The following TEX14 variants were observed in gnomAD, a reference collection of about 807,000 sequenced individuals.
TEX14 encodes the protein testis expressed 14, intercellular bridge forming factor.
Under a neutral mutation model 178.6 loss-of-function variants are expected in TEX14, and 168 were observed. That is an observed-to-expected ratio of 0.94 (90% CI 0.83 to 1.07). The LOEUF (loss-of-function observed/expected upper bound fraction) is 1.07, where lower values mean the gene tolerates loss of function less well. TEX14 is among the 50% of genes least tolerant of loss of function. The pLI is 0.00. For synonymous variants in TEX14, 626 were observed against 634.1 expected, an observed-to-expected ratio of 0.99 and a Z score of 0.19; for missense variants, 1,730 against 1,753.6, an observed-to-expected ratio of 0.99 and a Z score of 0.24.
chr17:58,574,394 T>A, intron 21 of TEX14, 145 bp from the exon 22 acceptor site: 1 of 648,512 alleles, frequency 1.5e-6, no homozygotes, highest in East Asian at 2.8e-5. Flanking sequence ...GTGTGAGTTC[T>A]GTGCCAGGCA....
intron 1 of TEX14, among the ~76,000 whole-genome samples, chr17:58,686,861 C>CTTTTTT (rs71143271): frequency 2.8e-5 from 2 of 71,536 alleles, no homozygotes; most frequent in East Asian, 4.7e-4. Context: ...GAAAGGTCAC[C>CTTTTTT]TTTTTTTTTT....
At chr17:58,634,507 G>C (rs933837039) in intron 2 of TEX14, among the ~76,000 whole-genome samples, 3 of 152,162 alleles carry the variant, frequency 2.0e-5, no homozygotes, top group African/African-American at 7.2e-5. Context: ...AGGGCTTGCT[G>C]TGTTACAAAT....
At chr17:58,564,839 T>A (rs1225704282) in intron 28 of TEX14, 30 bp downstream of exon 28, 2 of 1,346,602 alleles carry the variant, frequency 1.5e-6, no homozygotes, top group East Asian at 4.8e-5. Context: ...ATTTTTTAAA[T>A]CCTTTCAACA....
In TEX14 at chr17:58,634,513, C is replaced by T. The variant is rs534043884; in HGVS notation, c.137-3959G>A. 2.0e-5 allele frequency among the ~76,000 whole-genome samples: 3 copies of T among 152,274 alleles called. No homozygotes were observed. The East Asian group carries it at 5.8e-4, about 29-fold the overall frequency. On this transcript the variant is annotated intron_variant, in intron 2 of 31. Coordinates refer to ENST00000349033, the MANE Select transcript of TEX14 (RefSeq NM_031272.5). ...TTACTGCTCAGGGCTTGCTGTGTTACAAATATTTGTGGTATGTCTATGTCC... is the reference window on the plus strand; with the variant it reads ...TTACTGCTCAGGGCTTGCTGTGTTATAAATATTTGTGGTATGTCTATGTCC...
intron 27 of TEX14, among the ~76,000 whole-genome samples, chr17:58,565,430 T>C (rs1314799777): frequency 1.3e-5 from 2 of 152,204 alleles, no homozygotes; most frequent in African/African-American, 4.8e-5. Context: ...TGCTATCTCA[T>C]TCCATCCTGC....
chr17:58,586,340 A>T (rs551699417), intron 17 of TEX14, among the ~76,000 whole-genome samples: 12 of 152,100 alleles, frequency 7.9e-5, no homozygotes, highest in African/African-American at 2.9e-4. Context: ...GAAAGGCAGC[A>T]AACAACTTAC....
At chr17:58,656,772 A>G (rs1192318454) in intron 1 of TEX14, among the ~76,000 whole-genome samples, 1 of 150,808 alleles carries the variant, frequency 6.6e-6, no homozygotes, top group African/African-American at 2.4e-5. Flanking sequence ...AAAAGAAAAA[A>G]ATTGGCCAGG....
At position 58,629,906 on chromosome 17, in the gene TEX14, T is replaced by G. The variant is rs1313155241; in HGVS notation, c.251+534A>C. On this transcript the variant is annotated intron_variant, in intron 3 of 31. Transcript: ENST00000349033. ...CTCCGATTCTTTTCGTGTTTCGTGT[T>G]TTTTTTTTTTCCTTTTTTTTTTTTT... 0.039 allele frequency among the ~76,000 whole-genome samples: 15 copies of G among 380 alleles called. No homozygotes were observed. The South Asian group carries it at 0.5, about 13-fold the overall frequency. The allele number at this position is 380 out of a possible 152,430, so 0.2% of individuals were successfully genotyped here.
In TEX14 at chr17:58,616,301, TAAAA is replaced by T. The variant is rs1363197232; in HGVS notation, c.637_640del (p.Phe213IlefsTer11). 1 of 1,612,288 alleles carries T rather than the reference TAAAA, an allele frequency of 6.2e-7. No individual in the cohort carries two copies. Among genetic ancestry groups the T allele is most frequent in the East Asian group, 2.2e-5 (1 of 44,860 alleles). ...GGCCATCTGTGTCGCCCCAGTAAGA[TAAAA>T]CTGAAACCAAGGCATAGCCTCAAAT... On this transcript the variant is annotated frameshift_variant and splice_region_variant, in exon 7 of 32. Transcript: ENST00000349033. LOFTEE classifies it high-confidence loss of function.
At chr17:58,562,118 T>G (rs1045538636) in intron 28 of TEX14, among the ~76,000 whole-genome samples, 1 of 151,916 alleles carries the variant, frequency 6.6e-6, no homozygotes, top group Non-Finnish European at 1.5e-5. Flanking sequence ...AGAAGAAATA[T>G]GCACCAAAAT....
intron 2 of TEX14, among the ~76,000 whole-genome samples, chr17:58,651,449 T>G (rs1458792335): frequency 6.6e-6 from 1 of 152,126 alleles, no homozygotes; most frequent in Non-Finnish European, 1.5e-5. Context: ...ATCCTTCAGC[T>G]AGAAAACCCC....
intron 11 of TEX14, 129 bp from the exon 12 acceptor site, chr17:58,602,719 A>C: frequency 1.5e-6 from 1 of 662,850 alleles, no homozygotes; most frequent in Non-Finnish European, 2.5e-6. Context: ...TTTCTAATCC[A>C]CTGTACTTTA....
rs778540031 is a variant in TEX14, at chr17:58,557,086, C to A, written c.4320-39G>T. ...TTTTAAAGAACAAAAAAGGAAGTTT[C>A]GAGTTGGTATGTGTGTTTTTTAAAG... On this transcript the variant is annotated intron_variant, in intron 31 of 31. Coordinates refer to ENST00000349033, the MANE Select transcript of TEX14 (RefSeq NM_031272.5). 5.1e-6 allele frequency: 8 copies of A among 1,565,036 alleles called. No homozygotes were observed. The South Asian group carries it at 8.9e-5, about 17-fold the overall frequency.
At chr17:58,634,116 A>G (rs2046382039) in intron 2 of TEX14, among the ~76,000 whole-genome samples, 1 of 152,046 alleles carries the variant, frequency 6.6e-6, no homozygotes, top group Admixed American at 6.5e-5. Context: ...TGAGACATCT[A>G]GTAAGAAGAA....
At chr17:58,650,594 C>T (rs577145630) in intron 2 of TEX14, among the ~76,000 whole-genome samples, 1 of 152,154 alleles carries the variant, frequency 6.6e-6, no homozygotes, top group South Asian at 2.1e-4. Flanking sequence ...TAGGCATGCG[C>T]TACCATGCGT....
rs138775848 is a variant in TEX14 at position 58,565,126 on chromosome 17, G to A, written c.3965-158C>T. 7.0e-3 allele frequency among the ~76,000 whole-genome samples: 1,069 copies of A among 152,322 alleles called. 3 individuals carry two copies. Among genetic ancestry groups the A allele is most frequent in the Middle Eastern group, 0.02 (6 of 294 alleles). ...CAGGAGAGCAGGGGGCCAGGTGGCA[G>A]TCTGCAGGCCACCTGCATTTGCAGC... On this transcript the variant is annotated intron_variant, in intron 27 of 31. Coordinates refer to ENST00000349033, the MANE Select transcript of TEX14 (RefSeq NM_031272.5).
At chr17:58,588,073 C>T (rs1231310101) in intron 15 of TEX14, 52 bp from the exon 16 acceptor site, 1 of 767,478 alleles carries the variant, frequency 1.3e-6, no homozygotes, top group South Asian at 1.4e-5. Flanking sequence ...TTTTTAGTTT[C>T]TAAGTTTAGA....
chr17:58,618,647 C>T (rs6503872), intron 5 of TEX14, among the ~76,000 whole-genome samples: 22,303 of 152,232 alleles, frequency 0.15, 2,529 homozygotes, highest in East Asian at 0.31. Context: ...TGGCAAATGG[C>T]AAAGGAGCTG....
chr17:58,587,030 T>C (rs1403878699), intron 17 of TEX14, among the ~76,000 whole-genome samples: 1 of 152,208 alleles, frequency 6.6e-6, no homozygotes, highest in Admixed American at 6.5e-5. Flanking sequence ...AAACAGGTAA[T>C]TACTTATCTT....
Sources: gnomAD v4.1 joint callset for allele counts (sites outside exome capture counted in the v4.1 genomes callset) on GRCh38, gnomAD v4.1.1 for gene constraint, MANE v1.5 for transcripts, NCBI Gene and HGNC (gene_info 2026-07-23, HGNC 2026-07-21) for gene names.